The following FGF14 variants were observed in gnomAD, a reference collection of about 807,000 sequenced individuals.
The protein encoded by FGF14 is fibroblast growth factor homologous factor 4.
In FGF14, 5 loss-of-function variants were observed where a neutral mutation model predicts 25.5. The ratio of observed to expected loss-of-function variants is 0.20; its 90% CI spans 0.10 to 0.41. The LOEUF is 0.41. FGF14 is among the 10% of genes least tolerant of loss of function. The pLI, the probability that FGF14 is intolerant of heterozygous loss-of-function variation, is 1.00. For synonymous variants in FGF14, 138 were observed against 118.3 expected (o/e 1.17, Z -1.08); for missense variants, 222 against 320.1 (o/e 0.69, Z 2.34).
At chr13:101,958,743 T>C (rs1395282655) in intron 1 of FGF14, among the ~76,000 whole-genome samples, 3 of 152,282 alleles carry the variant, frequency 2.0e-5, no homozygotes, top group Admixed American at 6.5e-5. Context: ...GCACCTCAGA[T>C]AAAAGTCACT....
At chr13:101,941,701 A>T (rs1231886211) in intron 1 of FGF14, among the ~76,000 whole-genome samples, 2 of 152,188 alleles carry the variant, frequency 1.3e-5, no homozygotes, top group African/African-American at 4.8e-5. Flanking sequence ...TAGATTACAA[A>T]ATGTGCTTCA....
chr13:102,320,053 CA>C (rs1376910302), intron 1 of FGF14, among the ~76,000 whole-genome samples: 2 of 152,006 alleles, frequency 1.3e-5, no homozygotes, highest in South Asian at 2.1e-4. Flanking sequence ...TTTCCATTTT[CA>C]AAATGCATGC....
chr13:101,894,933 GACA>G (rs1446895393), intron 1 of FGF14, among the ~76,000 whole-genome samples: 1 of 152,080 alleles, frequency 6.6e-6, no homozygotes, highest in Non-Finnish European at 1.5e-5. Flanking sequence ...TGTAACCTTA[GACA>G]ACAAAATAAA....
chr13:102,230,652 C>T (rs909122314), intron 1 of FGF14, among the ~76,000 whole-genome samples: 24 of 152,200 alleles, frequency 1.6e-4, no homozygotes, highest in African/African-American at 4.3e-4. Flanking sequence ...GTGCACTTTG[C>T]TAATATGTCT....
At chr13:102,358,182 T>G (rs1231333234) in intron 1 of FGF14, among the ~76,000 whole-genome samples, 5 of 152,216 alleles carry the variant, frequency 3.3e-5, no homozygotes, top group South Asian at 2.1e-4. Flanking sequence ...AAATAATGAT[T>G]GCATATTAAC....
intron 1 of FGF14, among the ~76,000 whole-genome samples, chr13:102,285,177 T>G (rs757132250): frequency 6.6e-6 from 1 of 152,178 alleles, no homozygotes; most frequent in Non-Finnish European, 1.5e-5. Context: ...TACTCATGAG[T>G]CCATAATAAA....
intron 1 of FGF14, among the ~76,000 whole-genome samples, chr13:102,088,340 T>C (rs2044018818): frequency 6.6e-6 from 1 of 152,224 alleles, no homozygotes; most frequent in Non-Finnish European, 1.5e-5. Context: ...GTAACTGTGC[T>C]AAGCAGAGAG....
At chr13:101,916,106 G>A (rs1566429932) in intron 1 of FGF14, among the ~76,000 whole-genome samples, 1 of 152,240 alleles carries the variant, frequency 6.6e-6, no homozygotes, top group Non-Finnish European at 1.5e-5. Context: ...GGTGTGGCAG[G>A]AAGGGGTGCC....
At chr13:102,236,707 A>C (rs1185603046) in intron 1 of FGF14, among the ~76,000 whole-genome samples, 1 of 152,166 alleles carries the variant, frequency 6.6e-6, no homozygotes, top group African/African-American at 2.4e-5. Context: ...CAAACAATTC[A>C]CACTGAGCAA....
At chr13:102,136,821 C>T (rs1365618449) in intron 1 of FGF14, among the ~76,000 whole-genome samples, 2 of 152,136 alleles carry the variant, frequency 1.3e-5, no homozygotes, top group Non-Finnish European at 2.9e-5. Flanking sequence ...TTAACTAGCT[C>T]ATATGTATTT....
intron 3 of FGF14, among the ~76,000 whole-genome samples, chr13:101,762,453 G>A (rs72660323): frequency 1.1e-3 from 161 of 152,242 alleles, no homozygotes; most frequent in Middle Eastern, 3.4e-3. Context: ...AGTAAATCAA[G>A]CAAAGGCATA....
chr13:102,167,803 T>A (rs1594251616), intron 1 of FGF14, among the ~76,000 whole-genome samples: 1 of 152,160 alleles, frequency 6.6e-6, no homozygotes. Context: ...TCTTTTTTTT[T>A]TTTTTTAAGA....
intron 3 of FGF14, among the ~76,000 whole-genome samples, chr13:101,773,204 C>T (rs1183809051): frequency 6.6e-6 from 1 of 152,138 alleles, no homozygotes; most frequent in Non-Finnish European, 1.5e-5. Flanking sequence ...CTCAGCCTCG[C>T]ATTTTAAAAC....
intron 1 of FGF14, among the ~76,000 whole-genome samples, chr13:102,279,281 T>C (rs538403493): frequency 1.2e-4 from 18 of 152,306 alleles, no homozygotes; most frequent in Middle Eastern, 3.4e-3. Context: ...CATGGAAACA[T>C]GTTTTATGGA....
intron 3 of FGF14, among the ~76,000 whole-genome samples, chr13:101,765,718 T>TTTTATTTA (rs561624693): frequency 3.7e-4 from 53 of 143,386 alleles, no homozygotes; most frequent in African/African-American, 1.4e-3. Flanking sequence ...ATTATTATTA[T>TTTTATTTA]TTTATTTATT....
chr13:102,303,629 G>A (rs1031270436), intron 1 of FGF14, among the ~76,000 whole-genome samples: 12 of 152,164 alleles, frequency 7.9e-5, no homozygotes, highest in African/African-American at 2.9e-4. Context: ...AGGGCTAACA[G>A]AAATCAAATA....
intron 3 of FGF14, among the ~76,000 whole-genome samples, chr13:101,799,929 T>C (rs970289039): frequency 2.0e-5 from 3 of 152,118 alleles, no homozygotes; most frequent in Non-Finnish European, 4.4e-5. Context: ...GTATAGAAGA[T>C]TGTATATGGA....
intron 1 of FGF14, among the ~76,000 whole-genome samples, chr13:102,047,014 A>G (rs1034048138): frequency 6.6e-6 from 1 of 152,146 alleles, no homozygotes; most frequent in African/African-American, 2.4e-5. Flanking sequence ...GTTGTGTGTT[A>G]TTTTATAGTA....
chr13:102,110,470 G>T (rs532981471), intron 1 of FGF14, among the ~76,000 whole-genome samples: 44 of 152,282 alleles, frequency 2.9e-4, no homozygotes, highest in African/African-American at 1.1e-3. Flanking sequence ...ACTTGTTTTT[G>T]TAAGGAACGT....
Sources: gnomAD v4.1 joint callset for allele counts (sites outside exome capture counted in the v4.1 genomes callset) on GRCh38, gnomAD v4.1.1 for gene constraint, MANE v1.5 for transcripts, NCBI Gene and HGNC (gene_info 2026-07-23, HGNC 2026-07-21) for gene names.